The following ZC3H12B variants were observed in gnomAD, a reference collection of about 807,000 sequenced individuals.
ZC3H12B encodes zinc finger CCCH-type containing 12B, also known as probable ribonuclease ZC3H12B.
Under a neutral mutation model 43.9 loss-of-function variants are expected in ZC3H12B, and 7 were observed. That is an observed-to-expected ratio of 0.16 (90% confidence interval 0.09 to 0.30). The LOEUF is 0.30. Ranked by LOEUF, ZC3H12B falls within the 10% of genes least tolerant of loss-of-function variation. ZC3H12B has a pLI of 1.00. For missense variants in ZC3H12B, 475 were observed against 670.2 expected (o/e 0.71, Z 3.22); for synonymous variants, 222 against 241.7 (o/e 0.92, Z 0.76).
chrX:65,320,888 A>G, the ZC3H12B span, among the ~76,000 whole-genome samples: 5 of 112,547 alleles, frequency 4.4e-5, no homozygotes, highest in African/African-American at 1.6e-4. Context: ...ATCATATACA[A>G]AAATAAACTC....
At chrX:65,108,864 G>GT in the ZC3H12B span, among the ~76,000 whole-genome samples, 1 of 111,235 alleles carries the variant, frequency 9.0e-6, no homozygotes, top group East Asian at 2.8e-4. Context: ...TGTTATAATG[G>GT]TTGCAGAGTC....
chrX:65,045,649 C>T, the ZC3H12B span, among the ~76,000 whole-genome samples: 1 of 111,694 alleles, frequency 9.0e-6, no homozygotes, highest in Non-Finnish European at 1.9e-5. Context: ...GGATTGGATC[C>T]ACTTCTTTCA....
At chrX:65,091,008 G>T in the ZC3H12B span, among the ~76,000 whole-genome samples, 9,193 of 110,874 alleles carry the variant, frequency 0.083, 1,017 homozygotes, top group African/African-American at 0.29. Context: ...TAAGCTTTCT[G>T]AGGCTTTCCC....
At chrX:65,187,681 G>T in the ZC3H12B span, among the ~76,000 whole-genome samples, 144 of 102,372 alleles carry the variant, frequency 1.4e-3, no homozygotes, top group Non-Finnish European at 2.5e-3. Flanking sequence ...ACTTTTTTCT[G>T]GTACGTAGTA....
chrX:65,413,781 A>T (rs923454345), intron 3 of ZC3H12B, among the ~76,000 whole-genome samples: 9 of 111,957 alleles, frequency 8.0e-5, no homozygotes, highest in African/African-American at 2.9e-4. Flanking sequence ...GACCCTTGTG[A>T]TTCCATATGA....
the ZC3H12B span, among the ~76,000 whole-genome samples, chrX:65,156,087 T>A: frequency 1.8e-5 from 2 of 111,136 alleles, no homozygotes; most frequent in Admixed American, 1.9e-4. Flanking sequence ...GAAAAAAAAA[T>A]GTTTATATTG....
chrX:65,145,225 G>A, the ZC3H12B span, among the ~76,000 whole-genome samples: 4 of 80,733 alleles, frequency 5.0e-5, no homozygotes, highest in African/African-American at 1.6e-4. Context: ...ATTATATAAT[G>A]TCCCTCTTCG....
At chrX:65,468,102 C>A (rs1309265605) in intron 3 of ZC3H12B, among the ~76,000 whole-genome samples, 1 of 111,869 alleles carries the variant, frequency 8.9e-6, no homozygotes, top group African/African-American at 3.2e-5. Context: ...AGATTTATGT[C>A]TTTGATCCAT....
intron 3 of ZC3H12B, among the ~76,000 whole-genome samples, chrX:65,411,378 C>T (rs1338624783): frequency 3.6e-5 from 4 of 111,733 alleles, no homozygotes; most frequent in Non-Finnish European, 7.5e-5. Flanking sequence ...TTTGACCACA[C>T]GGAAGGGTGA....
rs1344613498 is a variant in ZC3H12B, at chrX:65,450,319, A to G, written n.408-38327A>G. On this transcript the variant is annotated intron_variant and non_coding_transcript_variant, in intron 3 of 5. Coordinates refer to the ZC3H12B transcript ENST00000617377. ...ACTTCATCTCAAAAAAAAAATATAT[A>G]TATATATACATATATATGTATATAT... is the stretch of plus-strand genomic sequence containing the variant. 2.4e-4 allele frequency among the ~76,000 whole-genome samples: 21 copies of G among 86,200 alleles called. 1 individual carries two copies. Among genetic ancestry groups the G allele is most frequent in the African/African-American group, 9.2e-4 (21 of 22,880 alleles). The allele number at this position is 86,200 out of a possible 115,157, so 74.9% of individuals were successfully genotyped here. A position where few individuals can be genotyped will look rare whatever the true frequency, so the allele number is the denominator to read the frequency against.
At chrX:65,333,866 T>C in the ZC3H12B span, among the ~76,000 whole-genome samples, 3 of 111,704 alleles carry the variant, frequency 2.7e-5, no homozygotes, top group Non-Finnish European at 5.7e-5. Context: ...ATACAACAAT[T>C]TTACACAACA....
chrX:65,188,385 C>G, the ZC3H12B span, among the ~76,000 whole-genome samples: 1 of 97,140 alleles, frequency 1.0e-5, no homozygotes, highest in African/African-American at 3.8e-5. Context: ...TTTTGAGAAG[C>G]CTTCAAACTA....
At chrX:65,056,340 C>G in the ZC3H12B span, among the ~76,000 whole-genome samples, 7 of 111,301 alleles carry the variant, frequency 6.3e-5, no homozygotes, top group East Asian at 2.8e-4. Flanking sequence ...CCTTCATTTC[C>G]TTATGTACCC....
the ZC3H12B span, among the ~76,000 whole-genome samples, chrX:65,061,041 T>A: frequency 8.9e-6 from 1 of 112,321 alleles, no homozygotes; most frequent in Non-Finnish European, 1.9e-5. Context: ...GATTTTCCAA[T>A]TATTTGGCAT....
chrX:65,157,683 T>C, the ZC3H12B span, among the ~76,000 whole-genome samples: 1 of 111,974 alleles, frequency 8.9e-6, no homozygotes, highest in Non-Finnish European at 1.9e-5. Context: ...AGTACACTTG[T>C]TGTTACTAAT....
At chrX:65,294,411 T>C in the ZC3H12B span, among the ~76,000 whole-genome samples, 1 of 111,450 alleles carries the variant, frequency 9.0e-6, no homozygotes, top group Admixed American at 9.6e-5. Context: ...CATAAAGGCA[T>C]AAATCTTACA....
At chrX:65,419,334 G>A (rs1202617388) in intron 3 of ZC3H12B, among the ~76,000 whole-genome samples, 1 of 111,780 alleles carries the variant, frequency 8.9e-6, no homozygotes, top group Non-Finnish European at 1.9e-5. Context: ...AAAAGATGCA[G>A]GGGTGGTGAT....
At chrX:65,506,605 C>T (rs751273865) in exon 5 of ZC3H12B, 3 of 112,043 alleles carry the variant, frequency 2.7e-5, no homozygotes, top group African/African-American at 9.8e-5. Context: ...GCAAGAGGTG[C>T]TTTGTAATTT....
the ZC3H12B span, among the ~76,000 whole-genome samples, chrX:65,044,072 G>A: frequency 1.3e-4 from 15 of 111,497 alleles, no homozygotes; most frequent in African/African-American, 1.6e-4. Context: ...CAAATAATAC[G>A]TAATATATAC....
Sources: allele counts gnomAD v4.1 joint callset (sites outside exome capture counted in the v4.1 genomes callset), GRCh38; gene constraint gnomAD v4.1.1; transcripts MANE v1.5; gene names NCBI Gene and HGNC (gene_info 2026-07-23, HGNC 2026-07-21).